Variants in NOVA1 observed in about 807,000 individuals in gnomAD.
The protein encoded by NOVA1 is NOVA alternative splicing regulator 1.
Under a neutral mutation model 38.0 loss-of-function variants are expected in NOVA1, and 7 were observed. The ratio of observed to expected loss-of-function variants is 0.18; its 90% CI spans 0.10 to 0.35. NOVA1 has a LOEUF of 0.35. Ranked by LOEUF, NOVA1 falls within the 10% of genes least tolerant of loss-of-function variation. NOVA1 has a pLI of 1.00. For synonymous variants in NOVA1, 270 were observed against 232.5 expected (o/e 1.16, Z -1.47); for missense variants, 460 against 616.0 (o/e 0.75, Z 2.68).
At chr14:26,540,443 G>A (rs1890391960) in intron 2 of NOVA1, among the ~76,000 whole-genome samples, 1 of 152,174 alleles carries the variant, frequency 6.6e-6, no homozygotes, top group Non-Finnish European at 1.5e-5. Flanking sequence ...AAGGTCGGGG[G>A]CTGCTGAATT....
chr14:26,519,477 G>A (rs1356109885), intron 2 of NOVA1: 1 of 152,114 alleles, frequency 6.6e-6, no homozygotes, highest in East Asian at 1.9e-4. Context: ...TCATAAAAAG[G>A]ATTCCGGATT....
intron 3 of NOVA1, among the ~76,000 whole-genome samples, chr14:26,476,265 T>G (rs1230504033): frequency 6.6e-6 from 1 of 152,218 alleles, no homozygotes; most frequent in Admixed American, 6.5e-5. Flanking sequence ...ACAAGCACCC[T>G]AAGAGTCTGT....
chr14:26,582,345 A>AC, intron 2 of NOVA1, among the ~76,000 whole-genome samples: 1 of 151,734 alleles, frequency 6.6e-6, no homozygotes, highest in Non-Finnish European at 1.5e-5. Flanking sequence ...CTTCAGTAAA[A>AC]CCCTTGGATA....
intron 2 of NOVA1, among the ~76,000 whole-genome samples, chr14:26,561,077 G>A (rs144953330): frequency 5.2e-4 from 79 of 152,200 alleles, no homozygotes; most frequent in African/African-American, 1.9e-3. Flanking sequence ...TAGATCCTTC[G>A]CGTGCTCAGT....
intron 4 of NOVA1, among the ~76,000 whole-genome samples, chr14:26,457,188 A>AG (rs1460047560): frequency 6.6e-6 from 1 of 152,028 alleles, no homozygotes; most frequent in Non-Finnish European, 1.5e-5. Context: ...CTCCAAAAGT[A>AG]GAACAATTAA....
Position 26,448,186 on chromosome 14 carries a change from C to T in NOVA1, c.1297G>A (p.Val433Ile), listed in dbSNP as rs757621435. The change falls in exon 5 of 5, where the codon GTT (valine) becomes ATT (isoleucine). Residue 433 changes from valine (V) to isoleucine (I), a missense_variant. Physicochemically the swap from Val to Ile is conservative, Grantham distance 29. Coordinates refer to ENST00000539517, the MANE Select transcript of NOVA1 (RefSeq NM_002515.3). This position sits in a 1 kb window ranked among gnomAD's most constrained non-coding sequence, Gnocchi z 5.3. Reference protein sequence around the residue: ...VVEIAVPENLVGAILGKGGKT... With the variant: ...VVEIAVPENLIGAILGKGGKT... ...CCTCCTTTGCCAAGTATTGCACCAA[C>T]TAAGTTTTCTGGCACTGCTATTTCA... 1 of 1,614,222 alleles carries T rather than the reference C, an allele frequency of 6.2e-7. No homozygotes were observed. Among genetic ancestry groups the T allele is most frequent in the South Asian group, 1.1e-5 (1 of 91,088 alleles).
At chr14:26,485,193 C>T (rs1377738813) in intron 2 of NOVA1, among the ~76,000 whole-genome samples, 1 of 151,924 alleles carries the variant, frequency 6.6e-6, no homozygotes, top group African/African-American at 2.4e-5. Context: ...AGATACTCAA[C>T]AAGTATTTTT....
chr14:26,530,773 A>G (rs1446363672), intron 2 of NOVA1, among the ~76,000 whole-genome samples: 1 of 152,186 alleles, frequency 6.6e-6, no homozygotes, highest in Non-Finnish European at 1.5e-5. Flanking sequence ...AAACATAAAA[A>G]GTATGACTAC....
chr14:26,462,997 G>T (rs1441999207), intron 4 of NOVA1, among the ~76,000 whole-genome samples: 2 of 152,022 alleles, frequency 1.3e-5, no homozygotes, highest in Non-Finnish European at 2.9e-5. Context: ...AAAGTTCTTT[G>T]ACTATTAAAG....
intron 2 of NOVA1, among the ~76,000 whole-genome samples, chr14:26,483,475 G>A (rs1372788416): frequency 6.6e-6 from 1 of 152,100 alleles, no homozygotes; most frequent in African/African-American, 2.4e-5. Context: ...ATTAAGTTTG[G>A]TAAAGATCAT....
chr14:26,479,550 C>T lies in NOVA1; in HGVS notation c.447+427G>A, dbSNP rs894276116. 4.9e-5 allele frequency: 8 copies of T among 162,958 alleles called. No individual in the cohort carries two copies. The East Asian group carries it at 1.4e-3, about 28-fold the overall frequency. The allele number at this position is 162,958 out of a possible 1,614,324, so 10.1% of individuals were successfully genotyped here. ...AATGAGAACATGACAACAAAATTAA[C>T]AAAACAGGAGCCTCTATGCATAATA... On this transcript the variant is annotated intron_variant, in intron 3 of 4. Transcript: ENST00000539517.
rs1202004068 is a variant in NOVA1 at position 26,445,215 on chromosome 14, A to G, written c.*2744T>C. The G allele has an allele frequency of 6.6e-6, 1 of 152,208 alleles. No homozygotes were observed. The highest frequency in any genetic ancestry group is 2.4e-5 in the African/African-American group (1 of 41,464). 9.4% of individuals were successfully genotyped at this position (152,208 alleles called of 1,614,324 possible). A position where few individuals can be genotyped will look rare whatever the true frequency, so the allele number is the denominator to read the frequency against. ...TCAGTTTTCTCCATTTTGGATCAGT[A>G]CAGCTGAACAGCCATTGTTACATGC... On this transcript the variant is annotated 3_prime_UTR_variant, in exon 5 of 5. Coordinates refer to ENST00000539517, the MANE Select transcript of NOVA1 (RefSeq NM_002515.3).
intron 2 of NOVA1, among the ~76,000 whole-genome samples, chr14:26,528,827 A>C (rs1290167066): frequency 6.6e-6 from 1 of 152,168 alleles, no homozygotes; most frequent in East Asian, 1.9e-4. Flanking sequence ...ATACTTAAGG[A>C]AAGACAAACT....
chr14:26,563,930 C>T (rs1049910034), intron 2 of NOVA1, among the ~76,000 whole-genome samples: 2 of 152,016 alleles, frequency 1.3e-5, no homozygotes, highest in Admixed American at 1.3e-4. Context: ...CAGGTTGTAT[C>T]TGAACTAGTT....
intron 2 of NOVA1, among the ~76,000 whole-genome samples, chr14:26,519,034 A>G (rs1298605100): frequency 6.6e-6 from 1 of 152,100 alleles, no homozygotes; most frequent in Non-Finnish European, 1.5e-5. Flanking sequence ...AAAATTTTGT[A>G]CTGGATAAAT....
intron 4 of NOVA1, among the ~76,000 whole-genome samples, chr14:26,454,723 ACATTT>A (rs1318696951): frequency 6.6e-6 from 1 of 152,192 alleles, no homozygotes; most frequent in Admixed American, 6.5e-5. Flanking sequence ...CAAAATACTG[ACATTT>A]CATTTTATCT....
At chr14:26,589,739 AT>A (rs1005986206) in intron 2 of NOVA1, among the ~76,000 whole-genome samples, 9 of 151,782 alleles carry the variant, frequency 5.9e-5, no homozygotes, top group Admixed American at 2.6e-4. Flanking sequence ...ACTTAAGGTT[AT>A]TTTTTTGTTA....
At chr14:26,515,190 C>T (rs1888373935) in intron 2 of NOVA1, among the ~76,000 whole-genome samples, 1 of 151,816 alleles carries the variant, frequency 6.6e-6, no homozygotes, top group Non-Finnish European at 1.5e-5. Context: ...AGGTTGATTA[C>T]TTTTGAAAAT....
intron 2 of NOVA1, among the ~76,000 whole-genome samples, chr14:26,548,107 G>T (rs57064734): frequency 3.3e-5 from 5 of 151,586 alleles, no homozygotes; most frequent in African/African-American, 1.2e-4. Flanking sequence ...AAAAATCTTT[G>T]TAGGAAATCC....
Sources: allele counts gnomAD v4.1 joint callset (sites outside exome capture counted in the v4.1 genomes callset), GRCh38; gene constraint gnomAD v4.1.1; non-coding constraint Gnocchi (gnomAD v3.1); transcripts MANE v1.5; gene names NCBI Gene and HGNC (gene_info 2026-07-23, HGNC 2026-07-21).